SNTG1: variants seen among roughly 807,000 people sequenced by gnomAD.
SNTG1 encodes the protein syntrophin gamma 1.
In SNTG1, 39 loss-of-function variants were observed where a neutral mutation model predicts 74.7. That is an observed-to-expected ratio of 0.52 (90% CI 0.40 to 0.68). The LOEUF is 0.68. SNTG1 is among the 30% of genes least tolerant of loss of function. The pLI, the probability that SNTG1 is intolerant of heterozygous loss-of-function variation, is 0.00. For missense variants in SNTG1, 685 were observed against 609.5 expected (o/e 1.12, Z -1.30); for synonymous variants, 254 against 217.1 (o/e 1.17, Z -1.49).
intron 12 of SNTG1, among the ~76,000 whole-genome samples, chr8:50,564,809 A>G (rs2094506905): frequency 6.6e-6 from 1 of 152,124 alleles, no homozygotes; most frequent in Non-Finnish European, 1.5e-5. Context: ...CTTCAAATGC[A>G]ATATTGTGGA....
chr8:50,400,085 G>T (rs745388943), intron 3 of SNTG1, among the ~76,000 whole-genome samples: 11 of 152,176 alleles, frequency 7.2e-5, no homozygotes, highest in Non-Finnish European at 8.8e-5. Context: ...ATCTTTGGAG[G>T]CTGCAGTATA....
intron 2 of SNTG1, among the ~76,000 whole-genome samples, chr8:50,387,095 C>T (rs188621210): frequency 6.6e-6 from 1 of 152,296 alleles, no homozygotes; most frequent in Admixed American, 6.5e-5. Flanking sequence ...AACTTGCCAA[C>T]ACCATAGGCC....
intron 4 of SNTG1, among the ~76,000 whole-genome samples, chr8:50,425,589 T>C (rs1285542596): frequency 6.6e-6 from 1 of 152,138 alleles, no homozygotes; most frequent in Non-Finnish European, 1.5e-5. Context: ...AAGTGCACCA[T>C]AAATGTAATG....
At chr8:50,355,553 C>G (rs2091794520) in intron 2 of SNTG1, among the ~76,000 whole-genome samples, 1 of 152,112 alleles carries the variant, frequency 6.6e-6, no homozygotes, top group African/African-American at 2.4e-5. Context: ...TGAACCTTTT[C>G]AGGTTCAAAA....
chr8:50,256,105 T>A (rs926131034), intron 2 of SNTG1, among the ~76,000 whole-genome samples: 2 of 152,184 alleles, frequency 1.3e-5, no homozygotes, highest in African/African-American at 4.8e-5. Flanking sequence ...CTTGTATGTA[T>A]GTCATTAGGA....
chr8:50,034,126 T>A (rs760103936), intron 1 of SNTG1, among the ~76,000 whole-genome samples: 2 of 152,192 alleles, frequency 1.3e-5, no homozygotes, highest in Non-Finnish European at 2.9e-5. Flanking sequence ...TCTGGAACAA[T>A]CAGGCACATT....
At chr8:50,053,752 C>T (rs1024058051) in intron 1 of SNTG1, among the ~76,000 whole-genome samples, 1 of 151,360 alleles carries the variant, frequency 6.6e-6, no homozygotes, top group Non-Finnish European at 1.5e-5. Flanking sequence ...AATGACTCCT[C>T]TGTCACCTCT....
chr8:50,062,157 C>A (rs1820529886), intron 1 of SNTG1, among the ~76,000 whole-genome samples: 1 of 152,132 alleles, frequency 6.6e-6, no homozygotes, highest in African/African-American at 2.4e-5. Flanking sequence ...GATTCTCCTG[C>A]CTCAGCCTCC....
intron 9 of SNTG1, among the ~76,000 whole-genome samples, chr8:50,516,133 G>A (rs777659014): frequency 1.4e-4 from 21 of 152,140 alleles, no homozygotes; most frequent in Non-Finnish European, 1.9e-4. Flanking sequence ...TGCAGACTCC[G>A]CTGGTGATAC....
chr8:50,458,671 G>A (rs1248738894), intron 8 of SNTG1, among the ~76,000 whole-genome samples: 1 of 151,800 alleles, frequency 6.6e-6, no homozygotes, highest in Non-Finnish European at 1.5e-5. Flanking sequence ...CCATGAAGTA[G>A]CATCACATTT....
At chr8:50,568,848 T>C (rs1028851129) in intron 12 of SNTG1, 1 of 152,158 alleles carries the variant, frequency 6.6e-6, no homozygotes, top group African/African-American at 2.4e-5. Context: ...CCATCTTCTA[T>C]CTATCCACAT....
intron 2 of SNTG1, among the ~76,000 whole-genome samples, chr8:50,270,475 G>A (rs1230218453): frequency 1.3e-5 from 2 of 152,132 alleles, no homozygotes; most frequent in South Asian, 2.1e-4. Context: ...AATTCAACAC[G>A]AAAAATCTGT....
chr8:50,241,315 G>C (rs979942536), intron 2 of SNTG1, among the ~76,000 whole-genome samples: 1 of 152,156 alleles, frequency 6.6e-6, no homozygotes, highest in African/African-American at 2.4e-5. Context: ...GAGTGTGAAT[G>C]GCAATGGCTT....
intron 5 of SNTG1, among the ~76,000 whole-genome samples, chr8:50,445,365 C>A (rs1031800145): frequency 2.0e-5 from 3 of 152,174 alleles, no homozygotes; most frequent in Non-Finnish European, 4.4e-5. Flanking sequence ...ATCTTCCCTG[C>A]ACCCCCATGC....
chr8:50,442,626 T>C (rs1325498492), intron 5 of SNTG1, among the ~76,000 whole-genome samples: 1 of 145,646 alleles, frequency 6.9e-6, no homozygotes, highest in Non-Finnish European at 1.5e-5. Flanking sequence ...AAAACATCTC[T>C]CAGAAATCAC....
At chr8:50,328,538 A>T (rs78924656) in intron 2 of SNTG1, among the ~76,000 whole-genome samples, 2,181 of 152,298 alleles carry the variant, frequency 0.014, 36 homozygotes, top group Non-Finnish European at 0.019. Flanking sequence ...CAGAGAGAGC[A>T]TGTGTGAAGG....
chr8:50,376,291 A>C (rs1244675324), intron 2 of SNTG1, among the ~76,000 whole-genome samples: 2 of 152,106 alleles, frequency 1.3e-5, no homozygotes, highest in Admixed American at 1.3e-4. Flanking sequence ...AATTACTAAA[A>C]CTTGAACCAG....
At chr8:50,667,056 C>T (rs1199824029) in intron 15 of SNTG1, among the ~76,000 whole-genome samples, 1 of 151,272 alleles carries the variant, frequency 6.6e-6, no homozygotes, top group Non-Finnish European at 1.5e-5. Flanking sequence ...AAAATAAAAG[C>T]AAAATAAATC....
intron 13 of SNTG1, among the ~76,000 whole-genome samples, chr8:50,600,781 G>A (rs1000379525): frequency 6.6e-6 from 1 of 151,306 alleles, no homozygotes; most frequent in Non-Finnish European, 1.5e-5. Flanking sequence ...TTGTTTATTT[G>A]TATATAATTT....
Sources: gnomAD v4.1 joint callset for allele counts (sites outside exome capture counted in the v4.1 genomes callset) on GRCh38, gnomAD v4.1.1 for gene constraint, MANE v1.5 for transcripts, NCBI Gene and HGNC (gene_info 2026-07-23, HGNC 2026-07-21) for gene names.